Variants in FAM193A observed in about 807,000 individuals in gnomAD.
FAM193A encodes the protein protein FAM193A.
Under a neutral mutation model 126.5 loss-of-function variants are expected in FAM193A, and 22 were observed. The ratio of observed to expected loss-of-function variants is 0.17; its 90% CI spans 0.12 to 0.25. FAM193A has a LOEUF of 0.25. Ranked by LOEUF, FAM193A falls within the 10% of genes least tolerant of loss-of-function variation. FAM193A has a pLI of 1.00. For missense variants in FAM193A, 1,675 were observed against 1,672.8 expected (o/e 1.00, Z -0.02); for synonymous variants, 761 against 646.8 (o/e 1.18, Z -2.68).
intron 5 of FAM193A, among the ~76,000 whole-genome samples, chr4:2,632,665 G>A (rs937672068): frequency 1.5e-4 from 22 of 150,374 alleles, no homozygotes; most frequent in African/African-American, 5.4e-4. Context: ...AAGAGGTAGC[G>A]AGGTGAATGG....
chr4:2,677,564 A>T lies in FAM193A; in HGVS notation c.2331+5192A>T, dbSNP rs1459220475. Among the ~76,000 whole-genome samples, 4 of 151,696 alleles carry T rather than the reference A, an allele frequency of 2.6e-5. No individual in the cohort carries two copies. In the East Asian group the frequency reaches 5.8e-4, roughly 22 times the overall value. On this transcript the variant is annotated intron_variant, in intron 13 of 20. Transcript: ENST00000637812. ...GACCATCCTTGGCTAATACAGTGAA[A>T]CCCTGTCTCTACTAAAAATACAAAA...
intron 12 of FAM193A, among the ~76,000 whole-genome samples, chr4:2,665,466 T>C (rs1473045258): frequency 6.6e-6 from 1 of 152,218 alleles, no homozygotes; most frequent in African/African-American, 2.4e-5. Context: ...TGCAATGCTT[T>C]TAATCTTCCC....
At position 2,590,147 on chromosome 4, in the gene FAM193A, AAAG is replaced by A. The variant is rs201687392; in HGVS notation, c.256-5934_256-5932del. ...GAGACTCTGTCTCAAAAAAAAAAAA[AAAG>A]AAAGAAAGAAAAGGATCATATATAA... On this transcript the variant is annotated intron_variant, in intron 1 of 20. Transcript: ENST00000637812. 7.5e-3 allele frequency among the ~76,000 whole-genome samples: 1,117 copies of A among 149,538 alleles called. 18 individuals are homozygous for A. The highest frequency in any genetic ancestry group is 0.025 in the African/African-American group (1,033 of 40,662).
chr4:2,645,634 C>A (rs1317733312), intron 6 of FAM193A, among the ~76,000 whole-genome samples: 1 of 152,122 alleles, frequency 6.6e-6, no homozygotes, highest in African/African-American at 2.4e-5. Flanking sequence ...TCAAGCGATT[C>A]TTCTGTCTCA....
In FAM193A at chr4:2,631,084, C is replaced by T. The variant is rs1219632732; in HGVS notation, c.953C>T (p.Ala318Val). The T allele has an allele frequency of 6.2e-7, 1 of 1,613,858 alleles. No individual in the cohort carries two copies. The highest frequency in any genetic ancestry group is 1.7e-5 in the Admixed American group (1 of 60,018). The change falls in exon 5 of 21, where the codon GCG becomes GTG. Residue 318 changes from alanine (A) to valine (V), a missense_variant. By Grantham distance (64) the Ala-to-Val change is moderately conservative (BLOSUM62 0). Around this residue, in one of 4 missense-constraint regions of FAM193A, gnomAD observed 1,186 missense variants for 1,109.2 expected, o/e 1.07. Coordinates refer to ENST00000637812, the MANE Select transcript of FAM193A (RefSeq NM_001366318.2). Reference protein sequence around the residue: ...APSGLQGPPQAHQFISLLLEE... With the variant: ...APSGLQGPPQVHQFISLLLEE... ...TCTGGCCTGCAGGGCCCGCCGCAAG[C>T]GCACCAGTTCATCTCCCTCCTGCTT...
intron 1 of FAM193A, among the ~76,000 whole-genome samples, chr4:2,549,453 G>A (rs1737772963): frequency 7.6e-6 from 1 of 130,992 alleles, no homozygotes. Flanking sequence ...CTGGAGTGCA[G>A]TGGCGGGATC....
At chr4:2,559,860 G>A (rs1738503681) in intron 1 of FAM193A, among the ~76,000 whole-genome samples, 2 of 152,182 alleles carry the variant, frequency 1.3e-5, no homozygotes, top group Non-Finnish European at 2.9e-5. Flanking sequence ...TGGGTGCTGC[G>A]GTGATCCTGA....
At chr4:2,537,619 G>A (rs1470623305) in intron 1 of FAM193A, among the ~76,000 whole-genome samples, 3 of 152,248 alleles carry the variant, frequency 2.0e-5, no homozygotes, top group African/African-American at 7.2e-5. Flanking sequence ...CTGCGATTCC[G>A]GGAGTGAGCA....
chr4:2,720,032 T>C (rs142661776), intron 20 of FAM193A: 2,859 of 198,938 alleles, frequency 0.014, 83 homozygotes, highest in African/African-American at 0.062. Flanking sequence ...TGGCCTCAAG[T>C]GATCTGCCCA....
chr4:2,721,245 A>G (rs893635021), intron 20 of FAM193A, among the ~76,000 whole-genome samples: 1 of 145,230 alleles, frequency 6.9e-6, no homozygotes, highest in African/African-American at 2.6e-5. Flanking sequence ...CCTGGGAGGC[A>G]GAGCTTGCAG....
intron 19 of FAM193A, among the ~76,000 whole-genome samples, chr4:2,714,319 A>G (rs758398859): frequency 7.9e-5 from 12 of 152,112 alleles, no homozygotes; most frequent in African/African-American, 1.4e-4. Flanking sequence ...CTCTCTGTAC[A>G]AACATGTGGA....
At chr4:2,730,413 G>A (rs1450898384) in intron 20 of FAM193A, among the ~76,000 whole-genome samples, 3 of 152,098 alleles carry the variant, frequency 2.0e-5, no homozygotes, top group South Asian at 2.1e-4. Flanking sequence ...CTTGGAGGCC[G>A]GGCGCGGTGG....
chr4:2,674,044 A>ACTAC (rs1434010293), intron 13 of FAM193A, among the ~76,000 whole-genome samples: 1 of 152,250 alleles, frequency 6.6e-6, no homozygotes, highest in Non-Finnish European at 1.5e-5. Flanking sequence ...TATACGGTAG[A>ACTAC]GGTATAGAAA....
chr4:2,719,166 CAT>C (rs1719848495), intron 20 of FAM193A, among the ~76,000 whole-genome samples: 2 of 152,224 alleles, frequency 1.3e-5, no homozygotes, highest in East Asian at 3.9e-4. Flanking sequence ...TTATCTCACT[CAT>C]ATTAGATTCA....
chr4:2,540,732 A>C (rs1030767301), intron 1 of FAM193A, among the ~76,000 whole-genome samples: 1 of 152,166 alleles, frequency 6.6e-6, no homozygotes, highest in Admixed American at 6.6e-5. Context: ...AGGCTGAGGC[A>C]GGTGGATCAC....
In FAM193A at chr4:2,672,201, C is replaced by T. The variant is rs142820570; in HGVS notation, c.2160C>T (p.Ala720=). 5.6e-6 allele frequency: 9 copies of T among 1,614,052 alleles called. No homozygotes were observed. The highest frequency in any genetic ancestry group is 2.2e-5 in the South Asian group (2 of 91,080). ...ASGLTPSAMT[A]GALPPGHQFL... ...GACTGACACCATCTGCAATGACAGC[C>T]GGAGCCCTTCCTCCTGGCCATCAGT... The change falls in exon 13 of 21, where the codon GCC becomes GCT. Residue 720 remains alanine (A), a synonymous_variant. Transcript: ENST00000637812.
chr4:2,603,372 C>T (rs1409591440), intron 2 of FAM193A, among the ~76,000 whole-genome samples: 1 of 151,250 alleles, frequency 6.6e-6, no homozygotes, highest in Non-Finnish European at 1.5e-5. Flanking sequence ...GCAACCTCCG[C>T]CTCTTGGGTT....
intron 2 of FAM193A, among the ~76,000 whole-genome samples, chr4:2,599,357 C>T (rs1026218081): frequency 2.6e-5 from 4 of 152,088 alleles, no homozygotes; most frequent in East Asian, 1.9e-4. Flanking sequence ...CTGGTCACTT[C>T]GGCTCTCTGA....
At chr4:2,563,536 A>G (rs4974662) in intron 1 of FAM193A, among the ~76,000 whole-genome samples, 127,825 of 149,564 alleles carry the variant, frequency 0.85, 55,507 homozygotes, top group East Asian at 0.99. Context: ...AAAAAAAAAC[A>G]AAAAAAAAAA....
Sources: allele counts gnomAD v4.1 joint callset (sites outside exome capture counted in the v4.1 genomes callset), GRCh38; gene constraint gnomAD v4.1.1; regional missense constraint gnomAD v4.1.1; transcripts MANE v1.5; gene names NCBI Gene and HGNC (gene_info 2026-07-23, HGNC 2026-07-21).